ZDHHC15: variants seen among roughly 807,000 people sequenced by gnomAD.
ZDHHC15 encodes palmitoyltransferase ZDHHC15.
In ZDHHC15, 19 loss-of-function variants were observed where a neutral mutation model predicts 31.7. The observed-to-expected ratio is 0.60, with a 90% CI of 0.42 to 0.88. ZDHHC15 has a LOEUF of 0.88. Among genes scored for constraint, ZDHHC15 ranks in the 40% least tolerant of loss-of-function variants. ZDHHC15 has a pLI of 0.00. For synonymous variants in ZDHHC15, 103 were observed against 90.0 expected (o/e 1.14, Z -0.82); for missense variants, 209 against 251.2 (o/e 0.83, Z 1.14).
intron 4 of ZDHHC15, among the ~76,000 whole-genome samples, chrX:75,444,677 TATATA>T (rs2084005269): frequency 4.8e-5 from 2 of 41,752 alleles, no homozygotes; most frequent in African/African-American, 1.4e-4. Context: ...TATATATATA[TATATA>T]TATATACACA....
intron 4 of ZDHHC15, 82 bp downstream of exon 4, chrX:75,450,720 G>T (rs748296195): frequency 5.8e-6 from 7 of 1,204,184 alleles, no homozygotes; most frequent in African/African-American, 1.8e-5. Context: ...GAAAAAAAAG[G>T]GCTAGTTTGA....
chrX:75,393,080 T>C (rs1199538427), intron 10 of ZDHHC15, among the ~76,000 whole-genome samples: 1 of 110,956 alleles, frequency 9.0e-6, no homozygotes, highest in East Asian at 2.8e-4. Flanking sequence ...CCCTAATGGA[T>C]CTCCTGTATT....
At chrX:75,432,965 T>C (rs551525771) in intron 4 of ZDHHC15, among the ~76,000 whole-genome samples, 3 of 110,502 alleles carry the variant, frequency 2.7e-5, no homozygotes, top group African/African-American at 9.9e-5. Context: ...GCCTGGGCGA[T>C]AGAGCAAGAT....
At chrX:75,420,616 T>C (rs749404783) in intron 9 of ZDHHC15, among the ~76,000 whole-genome samples, 2 of 111,610 alleles carry the variant, frequency 1.8e-5, no homozygotes, top group East Asian at 5.6e-4. Context: ...CATGGAATAC[T>C]ATGCAACCAT....
chrX:75,484,885 T>C (rs747210906), intron 2 of ZDHHC15, among the ~76,000 whole-genome samples: 22 of 112,156 alleles, frequency 2.0e-4, no homozygotes, highest in African/African-American at 6.8e-4. Context: ...TTCTCCGCAA[T>C]AAAAACAAGT....
At chrX:75,417,053 T>C (rs776166806) in intron 10 of ZDHHC15, 34 bp downstream of exon 10, 1 of 1,073,711 alleles carries the variant, frequency 9.3e-7, no homozygotes, top group Non-Finnish European at 1.3e-6. Context: ...TTGGTTGTAT[T>C]AATGTGGACT....
At chrX:75,374,873 G>A (rs1054639084) in intron 11 of ZDHHC15, among the ~76,000 whole-genome samples, 13 of 110,448 alleles carry the variant, frequency 1.2e-4, no homozygotes, top group African/African-American at 4.3e-4. Flanking sequence ...AAAACTGATA[G>A]TAACGAAATA....
At chrX:75,468,433 A>C (rs1310517890) in intron 3 of ZDHHC15, among the ~76,000 whole-genome samples, 2 of 112,157 alleles carry the variant, frequency 1.8e-5, no homozygotes, top group East Asian at 5.6e-4. Context: ...CAGCCAGCAT[A>C]TGGACATACA....
chrX:75,452,276 A>T (rs2084134561), intron 3 of ZDHHC15, among the ~76,000 whole-genome samples: 1 of 110,708 alleles, frequency 9.0e-6, no homozygotes. Flanking sequence ...ACCAACAAAG[A>T]TCAAAAGAGA....
chrX:75,415,990 T>G (rs991039865), intron 10 of ZDHHC15, among the ~76,000 whole-genome samples: 21 of 112,315 alleles, frequency 1.9e-4, no homozygotes. Flanking sequence ...GTGACTGCTG[T>G]AAGTAAAAGT....
intron 2 of ZDHHC15, among the ~76,000 whole-genome samples, chrX:75,485,439 A>G (rs753794153): frequency 9.0e-6 from 1 of 111,109 alleles, no homozygotes; most frequent in East Asian, 2.8e-4. Context: ...CTATGGTGGG[A>G]AGCAAAATCA....
intron 2 of ZDHHC15, among the ~76,000 whole-genome samples, chrX:75,491,683 G>C (rs1283689871): frequency 9.0e-6 from 1 of 110,641 alleles, no homozygotes; most frequent in Non-Finnish European, 1.9e-5. Context: ...TTCATATCCA[G>C]CCAAACTAAA....
chrX:75,489,405 T>C lies in ZDHHC15; in HGVS notation c.164-10420A>G, dbSNP rs566363722. 7.2e-5 allele frequency among the ~76,000 whole-genome samples: 8 copies of C among 111,651 alleles called. No individual in the cohort carries two copies. In the South Asian group the frequency reaches 3.1e-3, roughly 43 times the overall value. The stretch of plus-strand genomic sequence containing the variant: ...CTATGAGACAAAACATCCAGAGGAA[T>C]GATCAGGCAGCAACATTTGCTGCTC... On this transcript the variant is annotated intron_variant, in intron 2 of 11. Coordinates refer to ENST00000373367, the MANE Select transcript of ZDHHC15 (RefSeq NM_144969.3).
intron 3 of ZDHHC15, among the ~76,000 whole-genome samples, chrX:75,456,030 G>T (rs2084214513): frequency 9.0e-6 from 1 of 111,560 alleles, no homozygotes; most frequent in African/African-American, 3.3e-5. Context: ...TATAAATCAT[G>T]CTACTAGAAA....
chrX:75,387,389 G>T (rs1444646375), intron 10 of ZDHHC15, among the ~76,000 whole-genome samples: 1 of 111,336 alleles, frequency 9.0e-6, no homozygotes, highest in African/African-American at 3.3e-5. Context: ...AATTCAAAAT[G>T]GCAATATTAT....
At chrX:75,454,232 T>A (rs931153151) in intron 3 of ZDHHC15, among the ~76,000 whole-genome samples, 6 of 111,799 alleles carry the variant, frequency 5.4e-5, no homozygotes, top group African/African-American at 2.0e-4. Flanking sequence ...CAAGCATTCT[T>A]ATACACCAAT....
chrX:75,518,056 G>A (rs1476965934), intron 1 of ZDHHC15, among the ~76,000 whole-genome samples: 5 of 110,573 alleles, frequency 4.5e-5, no homozygotes, highest in African/African-American at 1.6e-4. Flanking sequence ...ATCCCACAGG[G>A]GTAAATCTTT....
intron 2 of ZDHHC15, among the ~76,000 whole-genome samples, chrX:75,493,870 C>T (rs933164401): frequency 3.6e-5 from 4 of 111,616 alleles, no homozygotes; most frequent in African/African-American, 1.3e-4. Flanking sequence ...TGAAATCTGG[C>T]ACAAGACAGG....
intron 1 of ZDHHC15, among the ~76,000 whole-genome samples, chrX:75,516,529 C>A (rs1264037448): frequency 8.9e-6 from 1 of 112,191 alleles, no homozygotes; most frequent in African/African-American, 3.2e-5. Context: ...AACTGGCTAG[C>A]CAGATGTAGA....
Sources: gnomAD v4.1 joint callset for allele counts (sites outside exome capture counted in the v4.1 genomes callset) on GRCh38, gnomAD v4.1.1 for gene constraint, MANE v1.5 for transcripts, NCBI Gene and HGNC (gene_info 2026-07-23, HGNC 2026-07-21) for gene names.